Variants in CDH19 observed in about 807,000 individuals in gnomAD.
CDH19 encodes cadherin 19.
Under a neutral mutation model 64.2 loss-of-function variants are expected in CDH19, and 67 were observed. The ratio of observed to expected loss-of-function variants is 1.04; its 90% CI spans 0.86 to 1.28. The LOEUF (loss-of-function observed/expected upper bound fraction) is 1.28. CDH19 is among the 50% of genes most tolerant of loss of function. The pLI, the probability that CDH19 is intolerant of heterozygous loss-of-function variation, is 0.00. For synonymous variants in CDH19, 346 were observed against 319.3 expected, an observed-to-expected ratio of 1.08 and a Z score of -0.89; for missense variants, 1,030 against 929.0, an observed-to-expected ratio of 1.11 and a Z score of -1.41.
chr18:66,589,197 T>C (rs2144622454), intron 1 of CDH19, among the ~76,000 whole-genome samples: 2 of 151,120 alleles, frequency 1.3e-5, no homozygotes, highest in South Asian at 4.2e-4. Flanking sequence ...ACCATGTTTA[T>C]CACGTAAATT....
chr18:66,505,384 C>G, intron 11 of CDH19, 82 bp from the exon 12 acceptor site: 5 of 1,100,278 alleles, frequency 4.5e-6, no homozygotes, highest in Non-Finnish European at 6.2e-6. Context: ...ATTTCAAGCT[C>G]AAGATGAGTG....
At chr18:66,564,731 C>T (rs944102425) in intron 3 of CDH19, among the ~76,000 whole-genome samples, 7 of 151,820 alleles carry the variant, frequency 4.6e-5, no homozygotes, top group African/African-American at 1.2e-4. Context: ...TTGTTTTCCA[C>T]GTAATGTGAC....
intron 1 of CDH19, among the ~76,000 whole-genome samples, chr18:66,596,999 G>A (rs879924664): frequency 8.2e-5 from 11 of 134,538 alleles, no homozygotes; most frequent in East Asian, 2.2e-4. Context: ...GGAGAATGGC[G>A]TTAACCCGGG....
intron 3 of CDH19, among the ~76,000 whole-genome samples, chr18:66,567,629 A>G (rs1180772726): frequency 6.6e-6 from 1 of 151,926 alleles, no homozygotes; most frequent in African/African-American, 2.4e-5. Flanking sequence ...TAATGAATCA[A>G]GTAATGAGGT....
chr18:66,552,462 A>G (rs1488772716), intron 4 of CDH19, among the ~76,000 whole-genome samples: 1 of 138,786 alleles, frequency 7.2e-6, no homozygotes, highest in African/African-American at 3.2e-5. Flanking sequence ...GTTGCGGACT[A>G]AAGTGTTTCA....
At chr18:66,598,326 T>C (rs1988956169) in intron 1 of CDH19, among the ~76,000 whole-genome samples, 1 of 152,128 alleles carries the variant, frequency 6.6e-6, no homozygotes, top group Non-Finnish European at 1.5e-5. Context: ...GCAATCCTAG[T>C]AGTGGATTAT....
chr18:66,504,978 AG>A lies in CDH19; in HGVS notation c.2152del (p.Leu718SerfsTer12). The part of the protein sequence containing the change: ...TDPCAPPFDS[L>X]QTYAFEGTGS... The stretch of plus-strand genomic sequence containing the variant: ...TGTTCCCTCAAAAGCGTAGGTCTGG[AG>A]GGAATCAAAAGGAGGGGCACACGGA... On this transcript the variant is annotated frameshift_variant, in exon 12 of 12. Transcript: ENST00000262150. LOFTEE classifies it low-confidence loss of function (END_TRUNC). 4 of 1,613,538 alleles carry A rather than the reference AG, an allele frequency of 2.5e-6. No homozygotes were observed. Among genetic ancestry groups the A allele is most frequent in the Non-Finnish European group, 3.4e-6 (4 of 1,179,728 alleles).
chr18:66,570,789 G>A (rs1014637161), intron 2 of CDH19, among the ~76,000 whole-genome samples: 7 of 151,756 alleles, frequency 4.6e-5, no homozygotes, highest in Non-Finnish European at 1.0e-4. Context: ...GTGGGGAGTA[G>A]AAACAAACAA....
chr18:66,595,810 GTTCT>G (rs1568215109), intron 1 of CDH19, among the ~76,000 whole-genome samples: 1 of 152,028 alleles, frequency 6.6e-6, no homozygotes, highest in Non-Finnish European at 1.5e-5. Flanking sequence ...TTTCTAACTC[GTTCT>G]ATAAGGCCGG....
chr18:66,587,018 C>A (rs1988598933), intron 1 of CDH19, among the ~76,000 whole-genome samples: 1 of 152,032 alleles, frequency 6.6e-6, no homozygotes, highest in Non-Finnish European at 1.5e-5. Flanking sequence ...TGCTTAGAAG[C>A]ACCTGCATTA....
intron 8 of CDH19, 33 bp from the exon 9 acceptor site, chr18:66,529,999 C>A: frequency 8.9e-7 from 1 of 1,125,622 alleles, no homozygotes; most frequent in Non-Finnish European, 1.2e-6. Context: ...AAAAATCTAA[C>A]ATATTTTAAT....
chr18:66,585,318 C>T (rs12458066), intron 1 of CDH19, among the ~76,000 whole-genome samples: 56,313 of 151,822 alleles, frequency 0.37, 12,325 homozygotes, highest in Middle Eastern at 0.5. Context: ...TACTGACTTT[C>T]GGGTTATTTT....
chr18:66,600,806 AT>A (rs1989019560), intron 1 of CDH19, among the ~76,000 whole-genome samples: 1 of 151,892 alleles, frequency 6.6e-6, no homozygotes, highest in Admixed American at 6.6e-5. Context: ...AAATCCTCAT[AT>A]GCCTACAGGG....
intron 8 of CDH19, among the ~76,000 whole-genome samples, chr18:66,534,091 T>C (rs1986562505): frequency 6.6e-6 from 1 of 151,036 alleles, no homozygotes; most frequent in Admixed American, 6.6e-5. Context: ...AGTTTTTCCT[T>C]AAAATGAAAA....
At chr18:66,590,800 A>C (rs968632970) in intron 1 of CDH19, among the ~76,000 whole-genome samples, 2 of 151,998 alleles carry the variant, frequency 1.3e-5, no homozygotes, top group Non-Finnish European at 2.9e-5. Context: ...TAGTTCATTT[A>C]AAAGCATGGT....
chr18:66,572,183 G>C lies in CDH19; in HGVS notation c.22C>G (p.Arg8Gly). The change falls in exon 2 of 12, where the codon CGT (arginine) becomes GGT (glycine). Residue 8 changes from arginine to glycine, a missense_variant. Physicochemically the swap from Arg to Gly is moderately radical, Grantham distance 125. Transcript: ENST00000262150. ...AGGAGAGGAATTCCCAACATAAAAC[G>C]CAGCAGTAAATAACAGTTCATTGCG... MNCYLLLRFMLGIPLLWP... is the reference protein window; with the variant it reads MNCYLLLGFMLGIPLLWP... The C allele has an allele frequency of 6.2e-7, 1 of 1,610,706 alleles. No homozygotes were observed. The highest frequency in any genetic ancestry group is 1.7e-5 in the Admixed American group (1 of 59,694).
At chr18:66,587,363 A>G (rs1336174777) in intron 1 of CDH19, among the ~76,000 whole-genome samples, 1 of 152,124 alleles carries the variant, frequency 6.6e-6, no homozygotes, top group Non-Finnish European at 1.5e-5. Context: ...CTATCATGAT[A>G]TTCTTCCTTC....
At position 66,599,251 on chromosome 18, in the gene CDH19, T is replaced by A. The variant is rs907201110; in HGVS notation, c.-113+4703A>T. On this transcript the variant is annotated intron_variant, in intron 1 of 11. Coordinates refer to ENST00000262150, the MANE Select transcript of CDH19 (RefSeq NM_021153.4). Reference sequence around the variant, plus strand: ...TATTGCATATTTTGGGGATTTTTTTTAATTGTCTGCTATGAGCTGTGTATG... The same window carrying A: ...TATTGCATATTTTGGGGATTTTTTTAAATTGTCTGCTATGAGCTGTGTATG... Among the ~76,000 whole-genome samples the A allele has an allele frequency of 4.6e-5, 7 of 152,102 alleles. No homozygotes were observed. In the South Asian group the frequency reaches 8.3e-4, roughly 18 times the overall value.
intron 3 of CDH19, among the ~76,000 whole-genome samples, chr18:66,560,275 C>T (rs1303685321): frequency 1.3e-5 from 2 of 152,046 alleles, no homozygotes; most frequent in African/African-American, 4.8e-5. Context: ...TAAGATTACA[C>T]AAATTTAGAG....
Sources: allele counts gnomAD v4.1 joint callset (sites outside exome capture counted in the v4.1 genomes callset), GRCh38; gene constraint gnomAD v4.1.1; transcripts MANE v1.5; gene names NCBI Gene and HGNC (gene_info 2026-07-23, HGNC 2026-07-21).